KHDRBS3: variants seen among roughly 807,000 people sequenced by gnomAD.
KHDRBS3 encodes the protein KH domain-containing, RNA-binding, signal transduction-associated protein 3.
Under a neutral mutation model 45.6 loss-of-function variants are expected in KHDRBS3, and 23 were observed. The observed-to-expected ratio is 0.50, with a 90% CI of 0.36 to 0.72. KHDRBS3 has a LOEUF of 0.72. Among genes scored for constraint, KHDRBS3 ranks in the 30% least tolerant of loss-of-function variants. KHDRBS3 has a pLI of 0.00. For synonymous variants in KHDRBS3, 162 were observed against 156.5 expected (o/e 1.04, Z -0.26); for missense variants, 352 against 424.8 (o/e 0.83, Z 1.51).
intron 1 of KHDRBS3, chr8:135,458,571 T>C (rs1477588496): frequency 3.2e-6 from 1 of 315,062 alleles, no homozygotes. Context: ...CCAACAGCCC[T>C]GGCGGGGCAG....
chr8:135,600,405 G>A (rs1829155258), intron 6 of KHDRBS3, among the ~76,000 whole-genome samples: 1 of 152,172 alleles, frequency 6.6e-6, no homozygotes, highest in Admixed American at 6.5e-5. Flanking sequence ...ATTCACATTA[G>A]GAATGTAGAG....
At chr8:135,505,530 A>T (rs535138740) in intron 1 of KHDRBS3, among the ~76,000 whole-genome samples, 1 of 152,324 alleles carries the variant, frequency 6.6e-6, no homozygotes, top group Admixed American at 6.5e-5. Flanking sequence ...AACAGAAATC[A>T]TGCCAGATAT....
chr8:135,480,792 T>G (rs1822524122), intron 1 of KHDRBS3, among the ~76,000 whole-genome samples: 1 of 152,238 alleles, frequency 6.6e-6, no homozygotes, highest in Non-Finnish European at 1.5e-5. Flanking sequence ...TTTTCTTAAG[T>G]CGTCAGAAAG....
At chr8:135,629,828 G>A (rs1830520954) in intron 7 of KHDRBS3, among the ~76,000 whole-genome samples, 1 of 152,216 alleles carries the variant, frequency 6.6e-6, no homozygotes, top group Non-Finnish European at 1.5e-5. Flanking sequence ...CCTGATAGGA[G>A]AGCAAATGCT....
chr8:135,522,096 C>G (rs574743878), intron 2 of KHDRBS3, among the ~76,000 whole-genome samples: 16 of 152,160 alleles, frequency 1.1e-4, no homozygotes, highest in African/African-American at 3.6e-4. Flanking sequence ...CTGATGCTCT[C>G]CCTCCCCCTG....
At position 135,581,887 on chromosome 8, in the gene KHDRBS3, A is replaced by G; in HGVS notation, c.621A>G (p.Gly207=). ...VPAPAITRGR[G]GVTARPVGVV... Reference sequence around the variant, plus strand: ...ACTCTCTTGGTTACAGGGGAAGGGGAGGAGTTACAGCCCGGCCAGTTGGAG... The same window carrying G: ...ACTCTCTTGGTTACAGGGGAAGGGGGGGAGTTACAGCCCGGCCAGTTGGAG... The change falls in exon 6 of 9, where the codon GGA becomes GGG. Residue 207 remains glycine (G), a synonymous_variant. Transcript: ENST00000355849. 2 of 1,594,080 alleles carry G rather than the reference A, an allele frequency of 1.3e-6. No homozygotes were observed. The highest frequency in any genetic ancestry group is 1.1e-5 in the South Asian group (1 of 88,412).
chr8:135,558,038 G>A (rs1028195666), intron 5 of KHDRBS3, among the ~76,000 whole-genome samples: 6 of 151,958 alleles, frequency 3.9e-5, no homozygotes, highest in South Asian at 4.2e-4. Flanking sequence ...GTAAGTAATC[G>A]CATTGATATG....
At chr8:135,527,924 G>T (rs760899446) in intron 2 of KHDRBS3, among the ~76,000 whole-genome samples, 1 of 152,100 alleles carries the variant, frequency 6.6e-6, no homozygotes, top group Admixed American at 6.6e-5. Context: ...ATAACTTAGT[G>T]TAACCTTTAT....
chr8:135,643,846 C>T (rs1831170576), intron 7 of KHDRBS3, among the ~76,000 whole-genome samples: 2 of 152,288 alleles, frequency 1.3e-5, no homozygotes, highest in Non-Finnish European at 2.9e-5. Context: ...TTTTACTATC[C>T]GAGGCCGGGG....
intron 2 of KHDRBS3, chr8:135,539,248 G>A (rs985438186): frequency 1.3e-5 from 2 of 152,296 alleles, no homozygotes; most frequent in African/African-American, 4.8e-5. Context: ...GGGAGGTGAT[G>A]CAACATCTGC....
chr8:135,495,926 G>A (rs761933152), intron 1 of KHDRBS3, among the ~76,000 whole-genome samples: 23 of 151,636 alleles, frequency 1.5e-4, no homozygotes, highest in Non-Finnish European at 2.5e-4. Flanking sequence ...TAGATATGTG[G>A]CACTTTTAAT....
intron 6 of KHDRBS3, among the ~76,000 whole-genome samples, chr8:135,593,709 C>T (rs139991283): frequency 1.6e-4 from 24 of 152,278 alleles, no homozygotes; most frequent in African/African-American, 5.8e-4. Context: ...GACTCCTGGC[C>T]TCAAGCAACC....
At chr8:135,620,155 C>G (rs1252324602) in intron 7 of KHDRBS3, among the ~76,000 whole-genome samples, 1 of 151,778 alleles carries the variant, frequency 6.6e-6, no homozygotes, top group African/African-American at 2.4e-5. Flanking sequence ...TCACTGCAAC[C>G]TCCGCCTCCT....
intron 5 of KHDRBS3, among the ~76,000 whole-genome samples, chr8:135,559,206 AG>A (rs1341778869): frequency 6.6e-6 from 1 of 152,214 alleles, no homozygotes; most frequent in East Asian, 1.9e-4. Flanking sequence ...AACCTTGTCT[AG>A]AAATTTCTTT....
chr8:135,577,596 C>T (rs1586747935), intron 5 of KHDRBS3, among the ~76,000 whole-genome samples: 1 of 151,936 alleles, frequency 6.6e-6, no homozygotes, highest in African/African-American at 2.4e-5. Flanking sequence ...TAGCTCATTT[C>T]TTTCTACTGC....
At chr8:135,559,086 A>G (rs1042719933) in intron 5 of KHDRBS3, among the ~76,000 whole-genome samples, 3 of 152,174 alleles carry the variant, frequency 2.0e-5, no homozygotes, top group South Asian at 4.1e-4. Context: ...ATCCAGAGTA[A>G]TCTTTCCATC....
chr8:135,512,434 G>GGT (rs1824341933), intron 1 of KHDRBS3, among the ~76,000 whole-genome samples: 1 of 135,110 alleles, frequency 7.4e-6, no homozygotes, highest in Non-Finnish European at 1.6e-5. Flanking sequence ...AAAGTCGGGG[G>GGT]GGGGGTAATA....
At chr8:135,496,863 C>T (rs962958804) in intron 1 of KHDRBS3, among the ~76,000 whole-genome samples, 3 of 152,206 alleles carry the variant, frequency 2.0e-5, no homozygotes, top group African/African-American at 7.2e-5. Flanking sequence ...TTGCCTGTTG[C>T]TTGCCCGTAG....
downstream of KHDRBS3, among the ~76,000 whole-genome samples, chr8:135,650,092 A>T (rs890210050): frequency 2.6e-5 from 4 of 151,830 alleles, no homozygotes; most frequent in Non-Finnish European, 5.9e-5. Context: ...ACCCCCTTGG[A>T]ATTCATTTAT....
Sources: allele counts gnomAD v4.1 joint callset (sites outside exome capture counted in the v4.1 genomes callset), GRCh38; gene constraint gnomAD v4.1.1; transcripts MANE v1.5; gene names NCBI Gene and HGNC (gene_info 2026-07-23, HGNC 2026-07-21).